MYT1L: variants seen among roughly 807,000 people sequenced by gnomAD.
MYT1L encodes the protein myelin transcription factor 1 like, also known as myelin transcription factor 1-like protein.
In MYT1L, 12 loss-of-function variants were observed where a neutral mutation model predicts 126.7. That is an observed-to-expected ratio of 0.09 (90% CI 0.06 to 0.15). The LOEUF (loss-of-function observed/expected upper bound fraction) is 0.15. MYT1L is among the 10% of genes least tolerant of loss of function. MYT1L has a pLI of 1.00. For missense variants in MYT1L, 979 were observed against 1,585.2 expected, an observed-to-expected ratio of 0.62 and a Z score of 6.49; for synonymous variants, 541 against 604.2, an observed-to-expected ratio of 0.90 and a Z score of 1.53.
chr2:1,859,460 C>A (rs561602438), intron 18 of MYT1L, among the ~76,000 whole-genome samples: 1 of 152,170 alleles, frequency 6.6e-6, no homozygotes, highest in African/African-American at 2.4e-5. Context: ...TTGCTCAGAA[C>A]GTGCAAGGGT....
At chr2:1,866,763 G>A (rs2045599076) in intron 18 of MYT1L, among the ~76,000 whole-genome samples, 1 of 91,626 alleles carries the variant, frequency 1.1e-5, no homozygotes, top group South Asian at 5.5e-4. Flanking sequence ...GGGAGGGGGA[G>A]AGAGGCAGAG....
intron 8 of MYT1L, among the ~76,000 whole-genome samples, chr2:1,978,353 C>G (rs6727661): frequency 0.19 from 28,314 of 152,174 alleles, 3,879 homozygotes; most frequent in African/African-American, 0.39. Flanking sequence ...GTAAAACATA[C>G]TTTAGCCTGT....
At chr2:1,843,537 A>T (rs1323578386) in intron 19 of MYT1L, among the ~76,000 whole-genome samples, 3 of 151,366 alleles carry the variant, frequency 2.0e-5, no homozygotes, top group Non-Finnish European at 4.4e-5. Context: ...TGTCTTACCC[A>T]GGGAGAATTA....
rs1232650411 is a variant in MYT1L, at chr2:1,922,303, T to C, written c.1466A>G (p.Lys489Arg). Residue 489 changes from lysine to arginine, a missense_variant, in exon 10 of 25, where the codon AAG (lysine) becomes AGG (arginine). This residue lies in a region of MYT1L where 67 missense variants were observed against 80.3 expected (regional missense o/e 0.83). Coordinates refer to ENST00000647738, the MANE Select transcript of MYT1L (RefSeq NM_001303052.2). This position sits in a 1 kb window ranked among gnomAD's most constrained non-coding sequence, Gnocchi z 7.4. ...AATATTACCTTTACCATAGTATGGCTTTTTGACATGGCTGTCACTGGATTT... is the reference window on the plus strand; with the variant it reads ...AATATTACCTTTACCATAGTATGGCCTTTTGACATGGCTGTCACTGGATTT... Reference protein sequence around the residue: ...KPKSSDSHVKKPYYGKDPSRT... With the variant: ...KPKSSDSHVKRPYYGKDPSRT... 1 of 1,613,862 alleles carries C rather than the reference T, an allele frequency of 6.2e-7. No homozygotes were observed. Among genetic ancestry groups the C allele is most frequent in the Admixed American group, 1.7e-5 (1 of 60,016 alleles).
chr2:2,078,346 T>G (rs920795533), intron 3 of MYT1L, among the ~76,000 whole-genome samples: 1 of 152,146 alleles, frequency 6.6e-6, no homozygotes, highest in Non-Finnish European at 1.5e-5. Context: ...TATCAATAAT[T>G]ACATTAAATA....
chr2:1,946,561 A>AGGGCAGTTAGATGACTTCTG (rs1481325592), intron 8 of MYT1L, among the ~76,000 whole-genome samples: 5 of 152,134 alleles, frequency 3.3e-5, no homozygotes, highest in Non-Finnish European at 5.9e-5. Context: ...CTGTAAGATG[A>AGGGCAGTTAGATGACTTCTG]GGGCAGTTAG....
At position 2,228,101 on chromosome 2, in the gene MYT1L, A is replaced by T. The variant is rs536169095; in HGVS notation, c.-420-55113T>A. On this transcript the variant is annotated intron_variant, in intron 2 of 24. Transcript: ENST00000647738. This position sits in a 1 kb window ranked among gnomAD's most constrained non-coding sequence, Gnocchi z 5.9. Reference sequence around the variant, plus strand: ...ATATAAGTTTGTTGATGTTCAGACCATGTATATCTCTATGCAAGGATTACA... The same window carrying T: ...ATATAAGTTTGTTGATGTTCAGACCTTGTATATCTCTATGCAAGGATTACA... Among the ~76,000 whole-genome samples, 1 of 152,370 alleles carries T rather than the reference A, an allele frequency of 6.6e-6. No homozygotes were observed. Among genetic ancestry groups the T allele is most frequent in the African/African-American group, 2.4e-5 (1 of 41,592 alleles).
At position 1,840,901 on chromosome 2, in the gene MYT1L, TTTC is replaced by T. The variant is rs1384931686; in HGVS notation, c.2775-61_2775-59del. ...ACACCGTTGATTTCAGTGAGCTTTC[TTTC>T]TTTTTTTTTTTTTTTTTGAGACAGA... On this transcript the variant is annotated intron_variant, in intron 19 of 24. Transcript: ENST00000647738. 2,541 of 873,042 alleles carry T rather than the reference TTTC, an allele frequency of 2.9e-3. 81 individuals are homozygous for T. Among genetic ancestry groups the T allele is most frequent in the East Asian group, 7.1e-3 (209 of 29,258 alleles). The allele number at this position is 873,042 out of a possible 1,614,324, so 54.1% of individuals were successfully genotyped here.
intron 3 of MYT1L, among the ~76,000 whole-genome samples, chr2:2,075,927 C>T (rs189922919): frequency 1.0e-3 from 156 of 152,340 alleles, no homozygotes; most frequent in African/African-American, 3.4e-3. Flanking sequence ...ACATTGAAAA[C>T]AAGGAAAAGA....
intron 4 of MYT1L, among the ~76,000 whole-genome samples, chr2:2,009,768 C>T (rs2063646489): frequency 6.6e-6 from 1 of 152,186 alleles, no homozygotes; most frequent in South Asian, 2.1e-4. Flanking sequence ...CGAGAGAGGG[C>T]ATCTCTGCTT....
intron 2 of MYT1L, among the ~76,000 whole-genome samples, chr2:2,211,155 T>C (rs2093490832): frequency 6.6e-6 from 1 of 152,214 alleles, no homozygotes; most frequent in Admixed American, 6.5e-5. Flanking sequence ...TATAAAATCA[T>C]ATCATCTGCA....
intron 3 of MYT1L, among the ~76,000 whole-genome samples, chr2:2,122,678 G>GC (rs2081190786): frequency 6.6e-6 from 1 of 152,198 alleles, no homozygotes; most frequent in Non-Finnish European, 1.5e-5. Flanking sequence ...TTACCAATGT[G>GC]TAAGAGTTTA....
intron 4 of MYT1L, among the ~76,000 whole-genome samples, chr2:2,040,841 TA>T (rs1279498568): frequency 3.3e-5 from 5 of 152,188 alleles, no homozygotes; most frequent in Admixed American, 6.5e-5. Flanking sequence ...AATTTGAGGT[TA>T]AAAAACTATA....
intron 4 of MYT1L, among the ~76,000 whole-genome samples, chr2:2,005,419 C>T (rs939444454): frequency 1.0e-4 from 15 of 145,450 alleles, no homozygotes; most frequent in Middle Eastern, 5.1e-3. Context: ...TTTCCTCATG[C>T]GTTCTTTCCT....
At chr2:2,175,923 T>C (rs960804620) in intron 2 of MYT1L, among the ~76,000 whole-genome samples, 6 of 152,206 alleles carry the variant, frequency 3.9e-5, no homozygotes. Flanking sequence ...GCTCGGGGGC[T>C]GGGTTGAGAT....
At position 1,922,178 on chromosome 2, in the gene MYT1L, T is replaced by G; in HGVS notation, c.1483+108A>C. ...TGGAATCAACTCTAAGAATGTGCAG[T>G]AGAGACATAATTCAGTGTGAGTCAC... On this transcript the variant is annotated intron_variant, in intron 10 of 24. Transcript: ENST00000647738. This position sits in a 1 kb window ranked among gnomAD's most constrained non-coding sequence, Gnocchi z 7.4. 1.4e-6 allele frequency: 2 copies of G among 1,381,816 alleles called. No homozygotes were observed. Among genetic ancestry groups the G allele is most frequent in the Non-Finnish European group, 2.0e-6 (2 of 1,021,030 alleles). The allele number at this position is 1,381,816 out of a possible 1,614,324, so 85.6% of individuals were successfully genotyped here.
chr2:1,939,763 G>A (rs1175739877), intron 9 of MYT1L, among the ~76,000 whole-genome samples: 1 of 152,200 alleles, frequency 6.6e-6, no homozygotes. Context: ...TGACCCTGAT[G>A]GGGTATAAGA....
chr2:1,899,259 G>A (rs902751057), intron 14 of MYT1L, among the ~76,000 whole-genome samples: 2 of 152,248 alleles, frequency 1.3e-5, no homozygotes, highest in Admixed American at 1.3e-4. Flanking sequence ...GGGAGCAACC[G>A]CAGCCTGCCC....
At chr2:1,998,312 G>T (rs1191461065) in intron 4 of MYT1L, among the ~76,000 whole-genome samples, 1 of 152,216 alleles carries the variant, frequency 6.6e-6, no homozygotes, top group Non-Finnish European at 1.5e-5. Flanking sequence ...GCTTGATGCA[G>T]ATAACCATCA....
Sources: allele counts gnomAD v4.1 joint callset (sites outside exome capture counted in the v4.1 genomes callset), GRCh38; gene constraint gnomAD v4.1.1; regional missense constraint gnomAD v4.1.1; non-coding constraint Gnocchi (gnomAD v3.1); transcripts MANE v1.5; gene names NCBI Gene and HGNC (gene_info 2026-07-23, HGNC 2026-07-21).